GK2: variants seen among roughly 807,000 people sequenced by gnomAD.
The protein encoded by GK2 is glycerol kinase 2, also known as ATP:glycerol 3-phosphotransferase 2.
A neutral mutation model predicts 9.5 loss-of-function variants in GK2; 10 were observed. The observed-to-expected ratio is 1.05, with a 90% CI of 0.65 to 1.78. GK2 has a LOEUF of 1.78. Ranked by LOEUF, GK2 falls within the 40% of genes most tolerant of loss-of-function variation. The pLI is 0.00. For synonymous variants in GK2, 228 were observed against 229.9 expected, an observed-to-expected ratio of 0.99 and a Z score of 0.07; for missense variants, 643 against 669.0, an observed-to-expected ratio of 0.96 and a Z score of 0.43.
At position 79,407,120 on chromosome 4, in the gene GK2, C is replaced by T; in HGVS notation, c.1081G>A (p.Val361Ile). 1.2e-6 allele frequency: 2 copies of T among 1,614,138 alleles called. No individual in the cohort carries two copies. The highest frequency in any genetic ancestry group is 2.2e-5 in the East Asian group (1 of 44,880). The change falls in exon 1 of 1, where the codon GTC (valine) becomes ATC (isoleucine). Residue 361 changes from valine to isoleucine, a missense_variant. Physicochemically the swap from Val to Ile is conservative, Grantham distance 29. Transcript: ENST00000358842. ...EVGTSYGCYFVPAFSGLYAPY... is the reference protein window; with the variant it reads ...EVGTSYGCYFIPAFSGLYAPY... ...GCATATAACCCTGAAAAGGCTGGGA[C>T]AAAGTAACAGCCATAAGAAGTTCCT...
rs775853659 is a variant in GK2, at chr4:79,407,800, C to T, written c.401G>A (p.Ser134Asn). ...GCCTGTCTTAGACTTGACGAAGTTA[C>T]TATTTCCTGGAATTTTTTTACTAAG... ...EDLSKKIPGN[S>N]NFVKSKTGLP... Residue 134 changes from serine (S) to asparagine (N), a missense_variant, in exon 1 of 1, where the codon AGT becomes AAT. Physicochemically the swap from Ser to Asn is conservative, Grantham distance 46 (BLOSUM62 1). Transcript: ENST00000358842. 3 of 1,614,030 alleles carry T rather than the reference C, an allele frequency of 1.9e-6. No homozygotes were observed. Among genetic ancestry groups the T allele is most frequent in the Admixed American group, 3.3e-5 (2 of 60,004 alleles).
chr4:79,407,435 A>C lies in GK2; in HGVS notation c.766T>G (p.Cys256Gly). The change falls in exon 1 of 1, where the codon TGT becomes GGT. Residue 256 changes from cysteine (C) to glycine (G), a missense_variant. Physicochemically the swap from Cys to Gly is radical, Grantham distance 159 (BLOSUM62 -3). Transcript: ENST00000358842. The stretch of plus-strand genomic sequence containing the variant: ...AATGCAGCACATTGGTCCCCCAAAC[A>C]CCCAGATATTGGCACACCTTCCAGG... The part of the protein sequence containing the change: ...GALEGVPISG[C>G]LGDQCAALVG... The C allele has an allele frequency of 6.2e-7, 1 of 1,614,154 alleles. No individual in the cohort carries two copies. Among genetic ancestry groups the C allele is most frequent in the Non-Finnish European group, 8.5e-7 (1 of 1,180,022 alleles).
chr4:79,406,810 C>T lies in GK2; in HGVS notation c.1391G>A (p.Gly464Glu), dbSNP rs202215408. ...TTALGAAMAA[G>E]AAEGVSVWSL... Reference sequence around the variant, plus strand: ...CCAAACGCTTACTCCCTCTGCAGCCCCTGCTGCCATGGCAGCTCCTAGTGC... The same window carrying T: ...CCAAACGCTTACTCCCTCTGCAGCCTCTGCTGCCATGGCAGCTCCTAGTGC... Residue 464 changes from glycine to glutamate, a missense_variant, in exon 1 of 1, where the codon GGG (glycine) becomes GAG (glutamate). By Grantham distance (98) the Gly-to-Glu change is moderately conservative. Transcript: ENST00000358842. The T allele has an allele frequency of 4.6e-5, 75 of 1,614,142 alleles. 1 individual carries two copies. In the East Asian group the frequency reaches 1.3e-3, roughly 29 times the overall value.
Position 79,406,700 on chromosome 4 carries a change from C to T in GK2, c.1501G>A (p.Ala501Thr), listed in dbSNP as rs1725858201. The change falls in exon 1 of 1, where the codon GCC becomes ACC. Residue 501 changes from alanine to threonine, a missense_variant. Transcript: ENST00000358842. Reference protein sequence around the residue: ...IQATESEIRYATWKKAVMKSM... With the variant: ...IQATESEIRYTTWKKAVMKSM... ...TTCATTACGGCTTTCTTCCATGTGG[C>T]ATAACGAATTTCACTTTCTGTGGCC... is the stretch of plus-strand genomic sequence containing the variant. 2.5e-6 allele frequency: 4 copies of T among 1,614,096 alleles called. No individual in the cohort carries two copies. The South Asian group carries it at 4.4e-5, about 18-fold the overall frequency.
Position 79,408,092 on chromosome 4 carries a change from T to C in GK2, c.109A>G (p.Ser37Gly). 1 of 1,613,938 alleles carries C rather than the reference T, an allele frequency of 6.2e-7. No individual in the cohort carries two copies. The highest frequency in any genetic ancestry group is 8.5e-7 in the Non-Finnish European group (1 of 1,179,774). Residue 37 changes from serine to glycine, a missense_variant, in exon 1 of 1, where the codon AGT becomes GGT. Coordinates refer to ENST00000358842, the MANE Select transcript of GK2 (RefSeq NM_033214.3). ...TGTGTTAATTCCACTTTGTGATGAC[T>C]AAGTAGTTCCGCTGTTTTTGAATTG... ...VFNSKTAELL[S>G]HHKVELTQEF...
chr4:79,406,645 G>C lies in GK2; in HGVS notation c.1556C>G (p.Pro519Arg), dbSNP rs1725856513. The C allele has an allele frequency of 6.2e-7, 1 of 1,613,836 alleles. No homozygotes were observed. Reference sequence around the variant, plus strand: ...GAAGATAGAAGGATCACCACCTTCAGGAGACTGACTGGTAACCCAACCCAT... The same window carrying C: ...GAAGATAGAAGGATCACCACCTTCACGAGACTGACTGGTAACCCAACCCAT... ...KSMGWVTSQS[P>R]EGGDPSIFSS... Residue 519 changes from proline (P) to arginine (R), a missense_variant, in exon 1 of 1, where the codon CCT becomes CGT. By Grantham distance (103) the Pro-to-Arg change is moderately radical. Coordinates refer to ENST00000358842, the MANE Select transcript of GK2 (RefSeq NM_033214.3).
At position 79,408,154 on chromosome 4, in the gene GK2, A is replaced by G. The variant is rs769874699; in HGVS notation, c.47T>C (p.Val16Ala). 6.2e-7 allele frequency: 1 copy of G among 1,610,718 alleles called. No individual in the cohort carries two copies. Among genetic ancestry groups the G allele is most frequent in the East Asian group, 2.2e-5 (1 of 44,866 alleles). The change falls in exon 1 of 1, where the codon GTG becomes GCG. Residue 16 changes from valine to alanine, a missense_variant. By Grantham distance (64) the Val-to-Ala change is moderately conservative (BLOSUM62 0). Transcript: ENST00000358842. ...GCGAGTGGAGTTGGTGCCCTGGACC[A>G]CCGCTCCCACCAACGGCCCCACAGC... is the stretch of plus-strand genomic sequence containing the variant. ...TAAVGPLVGA[V>A]VQGTNSTRFL...
rs1189646288 is a variant in GK2, at chr4:79,407,516, G to A, written c.685C>T (p.Leu229Phe). 5 of 1,613,956 alleles carry A rather than the reference G, an allele frequency of 3.1e-6. No homozygotes were observed. In the Admixed American group the frequency reaches 6.7e-5, roughly 22 times the overall value. ...LCDFFEIPMDLLPNVFSSSEI... is the reference protein window; with the variant it reads ...LCDFFEIPMDFLPNVFSSSEI... ...GAAGAACTGAAGACATTTGGAAGAA[G>A]GTCCATTGGAATTTCAAAAAAGTCA... The change falls in exon 1 of 1, where the codon CTT (leucine) becomes TTT (phenylalanine). Residue 229 changes from leucine to phenylalanine, a missense_variant. Coordinates refer to ENST00000358842, the MANE Select transcript of GK2 (RefSeq NM_033214.3).
rs1725890328 is a variant in GK2, at chr4:79,407,829, C to T, written c.372G>A (p.Glu124=). ...TTCCTGGAATTTTTTTACTAAGATC[C>T]TCAACAGTAGTCTGGGTTCTTAGAT... The part of the protein sequence containing the change: ...WLDLRTQTTV[E]DLSKKIPGNS... Residue 124 remains glutamate (E), a synonymous_variant, in exon 1 of 1, where the codon GAG becomes GAA. Coordinates refer to ENST00000358842, the MANE Select transcript of GK2 (RefSeq NM_033214.3). 3.1e-6 allele frequency: 5 copies of T among 1,614,102 alleles called. No individual in the cohort carries two copies. The East Asian group carries it at 8.9e-5, about 29-fold the overall frequency.
chr4:79,407,699 C>T lies in GK2; in HGVS notation c.502G>A (p.Val168Ile), dbSNP rs569650722. ...CCAAAAAGAGCTCTACCTTCTTCAA[C>T]AGCCTTTTGGACGTTTCTCACATTG... ...LDNVRNVQKA[V>I]EEGRALFGTI... The change falls in exon 1 of 1, where the codon GTT becomes ATT. Residue 168 changes from valine to isoleucine, a missense_variant. Transcript: ENST00000358842. 2 of 1,614,230 alleles carry T rather than the reference C, an allele frequency of 1.2e-6. No individual in the cohort carries two copies. Among genetic ancestry groups the T allele is most frequent in the Non-Finnish European group, 1.7e-6 (2 of 1,180,032 alleles).
chr4:79,408,115 T>C lies in GK2; in HGVS notation c.86A>G (p.Asn29Ser), dbSNP rs767048969. ...GTNSTRFLVFNSKTAELLSHH... is the reference protein window; with the variant it reads ...GTNSTRFLVFSSKTAELLSHH... ...ACTAAGTAGTTCCGCTGTTTTTGAA[T>C]TGAAAACCAGAAAGCGAGTGGAGTT... The change falls in exon 1 of 1, where the codon AAT (asparagine) becomes AGT (serine). Residue 29 changes from asparagine to serine, a missense_variant. Asn to Ser is a conservative substitution (Grantham distance 46). Coordinates refer to ENST00000358842, the MANE Select transcript of GK2 (RefSeq NM_033214.3). The C allele has an allele frequency of 9.3e-6, 15 of 1,614,192 alleles. No individual in the cohort carries two copies. Among genetic ancestry groups the C allele is most frequent in the East Asian group, 6.7e-5 (3 of 44,880 alleles).
In GK2 at chr4:79,408,083, T is replaced by C; in HGVS notation, c.118A>G (p.Lys40Glu). Reference protein sequence around the residue: ...SKTAELLSHHKVELTQEFPKE... With the variant: ...SKTAELLSHHEVELTQEFPKE... ...GGGAACTCTTGTGTTAATTCCACTTTGTGATGACTAAGTAGTTCCGCTGTT... is the reference window on the plus strand; with the variant it reads ...GGGAACTCTTGTGTTAATTCCACTTCGTGATGACTAAGTAGTTCCGCTGTT... Residue 40 changes from lysine to glutamate, a missense_variant, in exon 1 of 1, where the codon AAA becomes GAA. By Grantham distance (56) the Lys-to-Glu change is moderately conservative (BLOSUM62 1). Transcript: ENST00000358842. 6.2e-7 allele frequency: 1 copy of C among 1,614,052 alleles called. No individual in the cohort carries two copies. The highest frequency in any genetic ancestry group is 8.5e-7 in the Non-Finnish European group (1 of 1,179,888).
At position 79,408,000 on chromosome 4, in the gene GK2, ACACT is replaced by A; in HGVS notation, c.197_200del (p.Glu66ValfsTer2). 9 of 1,614,016 alleles carry A rather than the reference ACACT, an allele frequency of 5.6e-6. 1 individual carries two copies. The highest frequency in any genetic ancestry group is 7.6e-6 in the Non-Finnish European group (9 of 1,179,958). On this transcript the variant is annotated frameshift_variant, in exon 1 of 1. Transcript: ENST00000358842. LOFTEE classifies it low-confidence loss of function (END_TRUNC). The stretch of plus-strand genomic sequence containing the variant: ...CAAGTTTCTCACACGTTCTCGCTAT[ACACT>A]CGTAGACAGACTGAAGAATTTCTTT...
chr4:79,408,112 G>T lies in GK2; in HGVS notation c.89C>A (p.Ser30Ter). The T allele has an allele frequency of 1.2e-6, 2 of 1,614,106 alleles. No homozygotes were observed. The highest frequency in any genetic ancestry group is 1.7e-6 in the Non-Finnish European group (2 of 1,179,972). Residue 30 changes from serine to a stop codon, truncating the protein, a stop_gained, in exon 1 of 1, where the codon TCA becomes TAA. Coordinates refer to ENST00000358842, the MANE Select transcript of GK2 (RefSeq NM_033214.3). LOFTEE classifies it low-confidence loss of function (END_TRUNC). Reference protein sequence around the residue: ...TNSTRFLVFNSKTAELLSHHK... With the variant: ...TNSTRFLVFN ...ATGACTAAGTAGTTCCGCTGTTTTT[G>T]AATTGAAAACCAGAAAGCGAGTGGA...
At position 79,406,784 on chromosome 4, in the gene GK2, T is replaced by G. The variant is rs759841387; in HGVS notation, c.1417A>C (p.Ser473Arg). 6.2e-7 allele frequency: 1 copy of G among 1,614,170 alleles called. No homozygotes were observed. Among genetic ancestry groups the G allele is most frequent in the Non-Finnish European group, 8.5e-7 (1 of 1,180,024 alleles). Reference sequence around the variant, plus strand: ...ACTGACAAAGCCTGGGGTTCAAGGCTCCAAACGCTTACTCCCTCTGCAGCC... The same window carrying G: ...ACTGACAAAGCCTGGGGTTCAAGGCGCCAAACGCTTACTCCCTCTGCAGCC... The part of the protein sequence containing the change: ...AGAAEGVSVW[S>R]LEPQALSVLR... The change falls in exon 1 of 1, where the codon AGC becomes CGC. Residue 473 changes from serine to arginine, a missense_variant. Coordinates refer to ENST00000358842, the MANE Select transcript of GK2 (RefSeq NM_033214.3).
chr4:79,407,911 G>A lies in GK2; in HGVS notation c.290C>T (p.Thr97Ile). The A allele has an allele frequency of 1.2e-6, 2 of 1,614,200 alleles. No individual in the cohort carries two copies. The highest frequency in any genetic ancestry group is 1.7e-6 in the Non-Finnish European group (2 of 1,180,046). ...AVGVSNQRETTVIWDKLTGEP... is the reference protein window; with the variant it reads ...AVGVSNQRETIVIWDKLTGEP... Reference sequence around the variant, plus strand: ...TCCTGTTAACTTGTCCCAGATTACAGTGGTTTCCCTCTGATTGCTGACACC... The same window carrying A: ...TCCTGTTAACTTGTCCCAGATTACAATGGTTTCCCTCTGATTGCTGACACC... The change falls in exon 1 of 1, where the codon ACT (threonine) becomes ATT (isoleucine). Residue 97 changes from threonine to isoleucine, a missense_variant. Transcript: ENST00000358842.
In GK2 at chr4:79,407,160, T is replaced by C; in HGVS notation, c.1041A>G (p.Arg347=). ...GIIETSGDIE[R]LAKEVGTSYG... Reference sequence around the variant, plus strand: ...AAGAAGTTCCTACTTCTTTAGCAAGTCTTTCAATGTCTCCTGAGGTCTCTA... The same window carrying C: ...AAGAAGTTCCTACTTCTTTAGCAAGCCTTTCAATGTCTCCTGAGGTCTCTA... The change falls in exon 1 of 1, where the codon AGA becomes AGG. Residue 347 remains arginine (R), a synonymous_variant. Transcript: ENST00000358842. The C allele has an allele frequency of 6.2e-7, 1 of 1,614,140 alleles. No homozygotes were observed.
Position 79,407,339 on chromosome 4 carries a change from T to G in GK2, c.862A>C (p.Asn288His). Residue 288 changes from asparagine (N) to histidine (H), a missense_variant, in exon 1 of 1, where the codon AAT (asparagine) becomes CAT (histidine). Transcript: ENST00000358842. Reference protein sequence around the residue: ...TYGTGCFLLCNTGRKCVFSEH... With the variant: ...TYGTGCFLLCHTGRKCVFSEH... ...GAAAACACACATTTACGACCCGTAT[T>G]ACACAGTAAGAAGCAACCTGTTCCA... The G allele has an allele frequency of 6.2e-7, 1 of 1,614,212 alleles. No homozygotes were observed. The highest frequency in any genetic ancestry group is 8.5e-7 in the Non-Finnish European group (1 of 1,180,048).
At position 79,406,880 on chromosome 4, in the gene GK2, T is replaced by C; in HGVS notation, c.1321A>G (p.Ile441Val). 1 of 1,614,218 alleles carries C rather than the reference T, an allele frequency of 6.2e-7. No individual in the cohort carries two copies. Among genetic ancestry groups the C allele is most frequent in the Non-Finnish European group, 8.5e-7 (1 of 1,180,002 alleles). The stretch of plus-strand genomic sequence containing the variant: ...GGTTTTATTACTGGAATATGAAGAA[T>C]ATCTGCTTGTAGCTGCATAAGAACT... ...NKVLMQLQAD[I>V]LHIPVIKPFM... is the part of the protein sequence containing the mutation. The change falls in exon 1 of 1, where the codon ATT becomes GTT. Residue 441 changes from isoleucine (I) to valine (V), a missense_variant. Ile to Val is a conservative substitution (Grantham distance 29, BLOSUM62 3). Transcript: ENST00000358842.
Sources: allele counts gnomAD v4.1 joint callset, GRCh38; gene constraint gnomAD v4.1.1; transcripts MANE v1.5; gene names NCBI Gene and HGNC (gene_info 2026-07-23, HGNC 2026-07-21).